The following SLC39A11 variants were observed in gnomAD, a reference collection of about 807,000 sequenced individuals.
SLC39A11 encodes the protein zinc transporter ZIP11.
In SLC39A11, 33 loss-of-function variants were observed where a neutral mutation model predicts 36.1. The ratio of observed to expected loss-of-function variants is 0.91; its 90% CI spans 0.69 to 1.22. The LOEUF is 1.22. Among genes scored for constraint, SLC39A11 ranks in the 50% most tolerant of loss-of-function variants. The pLI is 0.00. For synonymous variants in SLC39A11, 166 were observed against 170.3 expected, an observed-to-expected ratio of 0.97 and a Z score of 0.20; for missense variants, 432 against 430.3, an observed-to-expected ratio of 1.00 and a Z score of -0.03.
intron 7 of SLC39A11, among the ~76,000 whole-genome samples, chr17:72,717,195 A>G (rs2073442462): frequency 6.6e-6 from 1 of 150,948 alleles, no homozygotes; most frequent in African/African-American, 2.4e-5. Context: ...AAAATTTAAA[A>G]AGAGGAAAAA....
At position 72,947,754 on chromosome 17, in the gene SLC39A11, A is replaced by C; in HGVS notation, c.428T>G (p.Ile143Arg). Residue 143 changes from isoleucine to arginine, a missense_variant and splice_region_variant, in exon 5 of 10, where the codon ATA (isoleucine) becomes AGA (arginine). Coordinates refer to ENST00000255559, the MANE Select transcript of SLC39A11 (RefSeq NM_139177.4). The stretch of plus-strand genomic sequence containing the variant: ...GCCTGAAAGAAGCCCAGCTCTACCT[A>C]TCCGGATGGAAAGTTCACTCTCAGG... ...LFPESELSIR[I>R]DKSENGEAYQ... 1 of 1,614,000 alleles carries C rather than the reference A, an allele frequency of 6.2e-7. No homozygotes were observed. Among genetic ancestry groups the C allele is most frequent in the Non-Finnish European group, 8.5e-7 (1 of 1,180,030 alleles).
intron 4 of SLC39A11, among the ~76,000 whole-genome samples, chr17:73,003,505 C>A (rs2089945270): frequency 6.6e-6 from 1 of 152,098 alleles, no homozygotes; most frequent in Non-Finnish European, 1.5e-5. Flanking sequence ...GCAGACAAGA[C>A]CCCAGGCTAG....
intron 2 of SLC39A11, 83 bp downstream of exon 2, chr17:73,088,574 C>T (rs2060817971): frequency 1.8e-6 from 2 of 1,141,562 alleles, no homozygotes; most frequent in Middle Eastern, 1.9e-4. Flanking sequence ...GAAAAGTCTA[C>T]AAACCTGCTC....
intron 5 of SLC39A11, among the ~76,000 whole-genome samples, chr17:72,941,141 C>T (rs1159376646): frequency 5.9e-5 from 9 of 151,920 alleles, no homozygotes; most frequent in East Asian, 1.9e-4. Context: ...GGTGTGGTGG[C>T]GCACTCCTGT....
chr17:72,981,191 T>A (rs1295200376), intron 4 of SLC39A11, among the ~76,000 whole-genome samples: 1 of 152,106 alleles, frequency 6.6e-6, no homozygotes, highest in Admixed American at 6.6e-5. Context: ...AATATAAAAA[T>A]TGGTAATGAG....
chr17:73,069,289 G>A (rs1325863811), intron 3 of SLC39A11, among the ~76,000 whole-genome samples: 1 of 152,130 alleles, frequency 6.6e-6, no homozygotes, highest in Admixed American at 6.6e-5. Flanking sequence ...ATGCTGACCC[G>A]CCTCATAATG....
intron 5 of SLC39A11, among the ~76,000 whole-genome samples, chr17:72,923,268 A>G (rs1456103556): frequency 6.6e-6 from 1 of 152,098 alleles, no homozygotes; most frequent in Non-Finnish European, 1.5e-5. Context: ...GCATGGGCCA[A>G]TAGGACCCAG....
At chr17:73,079,506 A>G (rs1284733852) in intron 3 of SLC39A11, among the ~76,000 whole-genome samples, 1 of 152,226 alleles carries the variant, frequency 6.6e-6, no homozygotes, top group Non-Finnish European at 1.5e-5. Context: ...TAAGGTAATA[A>G]AAGTCATCCA....
rs75385179 is a variant in SLC39A11, at chr17:72,884,024, G to A, written c.431-34220C>T. The stretch of plus-strand genomic sequence containing the variant: ...ACAAAAGTTAGCTAGGTATAGTGGC[G>A]TGCACCTGTGGTCCCAGCTACTTGG... On this transcript the variant is annotated intron_variant, in intron 5 of 9. Transcript: ENST00000255559. Among the ~76,000 whole-genome samples, 643 of 152,226 alleles carry A rather than the reference G, an allele frequency of 4.2e-3. 3 individuals are homozygous for A. Among genetic ancestry groups the A allele is most frequent in the African/African-American group, 0.015 (617 of 41,530 alleles).
intron 4 of SLC39A11, among the ~76,000 whole-genome samples, chr17:72,989,145 C>G (rs1298541634): frequency 6.6e-6 from 1 of 152,130 alleles, no homozygotes; most frequent in Admixed American, 6.5e-5. Context: ...AATGGTTATG[C>G]TGGTCAGTTT....
chr17:72,814,834 C>A (rs2077533820), intron 6 of SLC39A11, among the ~76,000 whole-genome samples: 1 of 152,182 alleles, frequency 6.6e-6, no homozygotes, highest in African/African-American at 2.4e-5. Context: ...ACAATTAGGA[C>A]CCCATGAGAA....
At chr17:72,813,826 GGCAGAGAAGGACCT>G (rs1404223249) in intron 6 of SLC39A11, among the ~76,000 whole-genome samples, 2 of 152,190 alleles carry the variant, frequency 1.3e-5, no homozygotes, top group Non-Finnish European at 2.9e-5. Flanking sequence ...AGAGGGAGGC[GGCAGAGAAGGACCT>G]GCATATTCCA....
chr17:72,656,766 AG>A, intron 7 of SLC39A11, among the ~76,000 whole-genome samples: 1 of 152,128 alleles, frequency 6.6e-6, no homozygotes, highest in Non-Finnish European at 1.5e-5. Context: ...ACCGCGAGGA[AG>A]GGGGGTCCCA....
chr17:73,039,187 AC>A (rs1351726438), intron 3 of SLC39A11, among the ~76,000 whole-genome samples: 1 of 151,912 alleles, frequency 6.6e-6, no homozygotes, highest in East Asian at 1.9e-4. Context: ...TGCAAATACC[AC>A]CCCAACCCGA....
intron 3 of SLC39A11, among the ~76,000 whole-genome samples, chr17:73,076,910 G>A (rs1403276420): frequency 6.6e-6 from 1 of 151,542 alleles, no homozygotes; most frequent in Non-Finnish European, 1.5e-5. Context: ...GGCACTTGGG[G>A]CTGGAGAGTC....
At chr17:72,852,204 C>CAAAAAAAAAAAAAAAAAAAAAAAAAA (rs1167034424) in intron 5 of SLC39A11, among the ~76,000 whole-genome samples, 10 of 39,908 alleles carry the variant, frequency 2.5e-4, no homozygotes, top group Admixed American at 4.4e-4. Flanking sequence ...GACTCCGTCT[C>CAAAAAAAAAAAAAAAAAAAAAAAAAA]AAAAAAAAAA....
At chr17:73,039,586 A>G (rs1349887683) in intron 3 of SLC39A11, among the ~76,000 whole-genome samples, 1 of 152,202 alleles carries the variant, frequency 6.6e-6, no homozygotes, top group Non-Finnish European at 1.5e-5. Context: ...CCTAATTTTT[A>G]CAGTAATTTT....
chr17:73,044,397 G>A (rs531116793), intron 3 of SLC39A11, among the ~76,000 whole-genome samples: 3 of 152,320 alleles, frequency 2.0e-5, no homozygotes, highest in South Asian at 4.1e-4. Context: ...TGCCGACATT[G>A]GATGAATCTC....
chr17:72,931,454 C>A (rs777417501), intron 5 of SLC39A11, among the ~76,000 whole-genome samples: 6 of 152,192 alleles, frequency 3.9e-5, no homozygotes, highest in Non-Finnish European at 7.3e-5. Flanking sequence ...GCCTCGAAGG[C>A]TATGCCCAAG....
Sources: gnomAD v4.1 joint callset for allele counts (sites outside exome capture counted in the v4.1 genomes callset) on GRCh38, gnomAD v4.1.1 for gene constraint, MANE v1.5 for transcripts, NCBI Gene and HGNC (gene_info 2026-07-23, HGNC 2026-07-21) for gene names.